FYN: variants seen among roughly 807,000 people sequenced by gnomAD.
FYN encodes tyrosine-protein kinase Fyn.
Under a neutral mutation model 70.2 loss-of-function variants are expected in FYN, and 10 were observed. The observed-to-expected ratio is 0.14, with a 90% CI of 0.09 to 0.24. FYN has a LOEUF of 0.24. Ranked by LOEUF, FYN falls within the 10% of genes least tolerant of loss-of-function variation. The probability of loss-of-function intolerance (pLI) is 1.00; values close to 1 mark genes in which losing one functional copy is unlikely to be tolerated. For synonymous variants in FYN, 236 were observed against 248.6 expected (o/e 0.95, Z 0.48); for missense variants, 319 against 673.1 (o/e 0.47, Z 5.82).
In FYN at chr6:111,694,339, G is replaced by A; in HGVS notation, c.1273+36C>T. ...TGTGCAGTAAGTGACTGTTCTCACA[G>A]CTGTGATCACGAGCCATTGTCATTC... On this transcript the variant is annotated intron_variant, in intron 12 of 13. Transcript: ENST00000354650. The surrounding 1 kb of genome is among the most constrained non-coding windows in gnomAD (Gnocchi z 5.0). The A allele has an allele frequency of 6.2e-7, 1 of 1,611,992 alleles. No individual in the cohort carries two copies.
intron 12 of FYN, among the ~76,000 whole-genome samples, chr6:111,691,903 G>A (rs1355755643): frequency 6.6e-6 from 1 of 152,222 alleles, no homozygotes; most frequent in African/African-American, 2.4e-5. Context: ...TTTCCTAGCT[G>A]TGTGACTTTG....
intron 5 of FYN, 77 bp from the exon 6 acceptor site, chr6:111,708,097 G>A: frequency 2.8e-6 from 3 of 1,069,724 alleles, no homozygotes; most frequent in African/African-American, 1.5e-5. Flanking sequence ...GGTCTGAAGT[G>A]TATAACTGTC....
At chr6:111,678,247 C>T (rs140653774) in intron 12 of FYN, among the ~76,000 whole-genome samples, 43 of 151,964 alleles carry the variant, frequency 2.8e-4, no homozygotes, top group African/African-American at 1.0e-3. Context: ...GCCGAAACCT[C>T]GACTTGTCAT....
chr6:111,817,649 T>C (rs1772531837), intron 2 of FYN, among the ~76,000 whole-genome samples: 1 of 152,194 alleles, frequency 6.6e-6, no homozygotes, highest in South Asian at 2.1e-4. Context: ...TGCATCCAAG[T>C]GCATTCATCA....
chr6:111,734,610 C>T (rs1801622007), intron 3 of FYN, among the ~76,000 whole-genome samples: 1 of 152,066 alleles, frequency 6.6e-6, no homozygotes, highest in Non-Finnish European at 1.5e-5. Context: ...TGGCTCTACC[C>T]TACAGGGTTG....
At chr6:111,754,801 C>G (rs966192570) in intron 3 of FYN, 1 of 152,112 alleles carries the variant, frequency 6.6e-6, no homozygotes, top group Non-Finnish European at 1.5e-5. Context: ...CACAAACACA[C>G]ACACAACCTG....
intron 1 of FYN, among the ~76,000 whole-genome samples, chr6:111,860,406 C>T (rs560307923): frequency 1.3e-5 from 2 of 152,260 alleles, no homozygotes; most frequent in Middle Eastern, 6.8e-3. Flanking sequence ...AGGAATCTTC[C>T]AGCAGCAGCA....
At chr6:111,717,709 C>T (rs1474863513) in intron 4 of FYN, among the ~76,000 whole-genome samples, 2 of 152,192 alleles carry the variant, frequency 1.3e-5, no homozygotes, top group African/African-American at 4.8e-5. Context: ...AGTGATCCAC[C>T]CACCTCAGCC....
chr6:111,805,425 G>A (rs979443150), intron 2 of FYN, among the ~76,000 whole-genome samples: 7 of 152,176 alleles, frequency 4.6e-5, no homozygotes, highest in Non-Finnish European at 1.0e-4. Context: ...TTAACTGGGT[G>A]TCCTATATTT....
chr6:111,713,652 C>T (rs1017263559), intron 5 of FYN, among the ~76,000 whole-genome samples: 4 of 152,100 alleles, frequency 2.6e-5, no homozygotes, highest in South Asian at 2.1e-4. Context: ...AAATCTGACC[C>T]GTGTTTACTC....
At chr6:111,859,183 A>G (rs2114513999) in intron 1 of FYN, among the ~76,000 whole-genome samples, 1 of 152,106 alleles carries the variant, frequency 6.6e-6, no homozygotes, top group Admixed American at 6.5e-5. Context: ...ATCCAAGCTC[A>G]CGCCCCTTCC....
At chr6:111,767,557 C>A (rs1418933960) in intron 3 of FYN, among the ~76,000 whole-genome samples, 1 of 152,132 alleles carries the variant, frequency 6.6e-6, no homozygotes. Context: ...TGCACCACCA[C>A]ACCCAGCTAA....
At chr6:111,784,872 T>C (rs921594872) in intron 2 of FYN, among the ~76,000 whole-genome samples, 1 of 152,232 alleles carries the variant, frequency 6.6e-6, no homozygotes, top group African/African-American at 2.4e-5. Flanking sequence ...TACGTATCAC[T>C]GGTACTTATT....
intron 10 of FYN, among the ~76,000 whole-genome samples, chr6:111,695,727 CTAACAATGCTGGTTTGA>C (rs998748531): frequency 6.6e-6 from 1 of 152,132 alleles, no homozygotes; most frequent in Admixed American, 6.6e-5. Flanking sequence ...GGCCTTATCC[CTAACAATGCTGGTTTGA>C]TTAGGAAGAC....
rs1404027267 is a variant in FYN at position 111,685,972 on chromosome 6, G to A, written c.1273+8403C>T. Among the ~76,000 whole-genome samples, 6 of 152,244 alleles carry A rather than the reference G, an allele frequency of 3.9e-5. No individual in the cohort carries two copies. The South Asian group carries it at 8.3e-4, about 21-fold the overall frequency. On this transcript the variant is annotated intron_variant, in intron 12 of 13. Coordinates refer to ENST00000354650, the MANE Select transcript of FYN (RefSeq NM_002037.5). ...GGCAGAGTCAGAGCTGCCCGAGGGT[G>A]GGAATGAAAGAAATTGGTCCCATCT...
At chr6:111,846,957 T>G (rs527798716) in intron 1 of FYN, among the ~76,000 whole-genome samples, 150 of 152,180 alleles carry the variant, frequency 9.9e-4, no homozygotes, top group African/African-American at 3.6e-3. Context: ...CACACTTCCC[T>G]TTTTCAGAGT....
At chr6:111,699,271 A>AGGAAACAC (rs935469645) in intron 9 of FYN, among the ~76,000 whole-genome samples, 1 of 152,160 alleles carries the variant, frequency 6.6e-6, no homozygotes, top group Non-Finnish European at 1.5e-5. Flanking sequence ...TCTTAGGAAG[A>AGGAAACAC]GGAAACACCA....
intron 3 of FYN, among the ~76,000 whole-genome samples, chr6:111,760,563 G>A (rs1207960489): frequency 6.6e-6 from 1 of 152,120 alleles, no homozygotes; most frequent in Non-Finnish European, 1.5e-5. Context: ...AAATAATAAC[G>A]GAACTCCTTC....
intron 12 of FYN, chr6:111,676,277 G>GA (rs1185791365): frequency 2.6e-5 from 4 of 152,136 alleles, no homozygotes; most frequent in East Asian, 3.9e-4. Context: ...TGAAATGAAA[G>GA]AAAAAAATCC....
Sources: allele counts gnomAD v4.1 joint callset (sites outside exome capture counted in the v4.1 genomes callset), GRCh38; gene constraint gnomAD v4.1.1; non-coding constraint Gnocchi (gnomAD v3.1); transcripts MANE v1.5; gene names NCBI Gene and HGNC (gene_info 2026-07-23, HGNC 2026-07-21).